The following FAM83B variants were observed in gnomAD, a reference collection of about 807,000 sequenced individuals.
FAM83B encodes the protein scaffolding CK1 anchoring protein B, also known as protein FAM83B.
In FAM83B, 26 loss-of-function variants were observed where a neutral mutation model predicts 38.8. That is an observed-to-expected ratio of 0.67 (90% CI 0.49 to 0.93). FAM83B has a LOEUF of 0.93. Ranked by LOEUF, FAM83B falls within the 40% of genes least tolerant of loss-of-function variation. The pLI, the probability that FAM83B is intolerant of heterozygous loss-of-function variation, is 0.00. For synonymous variants in FAM83B, 419 were observed against 423.1 expected (o/e 0.99, Z 0.12); for missense variants, 1,237 against 1,197.3 (o/e 1.03, Z -0.49).
At chr6:54,910,399 T>G (rs909289950) in intron 2 of FAM83B, among the ~76,000 whole-genome samples, 19 of 152,222 alleles carry the variant, frequency 1.2e-4, no homozygotes, top group African/African-American at 4.6e-4. Flanking sequence ...TGCTATTTTC[T>G]GTTCCCGCCT....
At chr6:54,900,489 C>T (rs1421129132) in intron 2 of FAM83B, among the ~76,000 whole-genome samples, 2 of 152,210 alleles carry the variant, frequency 1.3e-5, no homozygotes, top group Admixed American at 6.5e-5. Flanking sequence ...ATTTCTGTTT[C>T]ATAGTTCAAA....
intron 4 of FAM83B, 34 bp downstream of exon 4, chr6:54,927,666 A>C (rs1291061396): frequency 7.0e-7 from 1 of 1,428,150 alleles, no homozygotes; most frequent in Non-Finnish European, 9.3e-7. Flanking sequence ...AGTGTTATCA[A>C]TCGTTTTGAT....
At chr6:54,873,306 A>C (rs1771906546) in intron 2 of FAM83B, among the ~76,000 whole-genome samples, 1 of 152,168 alleles carries the variant, frequency 6.6e-6, no homozygotes, top group Admixed American at 6.5e-5. Context: ...CTACTTAAAG[A>C]TTTTTGAAGA....
chr6:54,903,584 A>T (rs942572723), intron 2 of FAM83B, among the ~76,000 whole-genome samples: 6 of 152,152 alleles, frequency 3.9e-5, no homozygotes, highest in Non-Finnish European at 7.4e-5. Flanking sequence ...GGCCACTTAT[A>T]TCGGTTTTAA....
chr6:54,863,332 T>G (rs1307185843), intron 1 of FAM83B, among the ~76,000 whole-genome samples: 1 of 152,164 alleles, frequency 6.6e-6, no homozygotes, highest in East Asian at 1.9e-4. Flanking sequence ...TACCTAACAG[T>G]TTTTAGCAGT....
chr6:54,863,539 C>T (rs1480520283), intron 1 of FAM83B, among the ~76,000 whole-genome samples: 1 of 54,238 alleles, frequency 1.8e-5, no homozygotes, highest in Non-Finnish European at 4.5e-5. Context: ...CCAACTATGC[C>T]GCTGAGCCAA....
chr6:54,900,070 T>C (rs533167386), intron 2 of FAM83B, among the ~76,000 whole-genome samples: 19 of 152,312 alleles, frequency 1.2e-4, no homozygotes, highest in African/African-American at 4.6e-4. Context: ...CAAAGCTAAG[T>C]TTTTGTCAAA....
At chr6:54,894,171 C>T (rs143387778) in intron 2 of FAM83B, among the ~76,000 whole-genome samples, 1 of 152,310 alleles carries the variant, frequency 6.6e-6, no homozygotes, top group Admixed American at 6.5e-5. Context: ...GTGCTTTCAT[C>T]ACATAAATGC....
chr6:54,913,499 A>T (rs539688966), intron 2 of FAM83B, among the ~76,000 whole-genome samples: 13 of 152,206 alleles, frequency 8.5e-5, no homozygotes, highest in African/African-American at 3.1e-4. Flanking sequence ...GCCCGAGTAG[A>T]AAATGGCAGA....
At chr6:54,914,401 C>A (rs1772987446) in intron 2 of FAM83B, among the ~76,000 whole-genome samples, 1 of 152,126 alleles carries the variant, frequency 6.6e-6, no homozygotes, top group Non-Finnish European at 1.5e-5. Flanking sequence ...CCCTAGAGGT[C>A]ACTTTTCATC....
intron 1 of FAM83B, among the ~76,000 whole-genome samples, chr6:54,849,476 T>G: frequency 8.1e-6 from 1 of 123,494 alleles, no homozygotes; most frequent in Admixed American, 9.1e-5. Flanking sequence ...GGGAGGAGGG[T>G]GCACTAAGGA....
At chr6:54,939,347 C>T (rs1385708650) in intron 4 of FAM83B, among the ~76,000 whole-genome samples, 2 of 152,018 alleles carry the variant, frequency 1.3e-5, no homozygotes, top group South Asian at 2.1e-4. Context: ...TATGCAGGCT[C>T]TTTTTTGGTT....
chr6:54,933,098 G>T (rs1004086601), intron 4 of FAM83B, among the ~76,000 whole-genome samples: 1 of 150,130 alleles, frequency 6.7e-6, no homozygotes, highest in African/African-American at 2.4e-5. Flanking sequence ...GATCTCCTTG[G>T]TAGTTCTATA....
chr6:54,937,789 A>G (rs1425923361), intron 4 of FAM83B, among the ~76,000 whole-genome samples: 1 of 152,114 alleles, frequency 6.6e-6, no homozygotes, highest in African/African-American at 2.4e-5. Context: ...CCAAGATGGT[A>G]TATATAAAAT....
intron 1 of FAM83B, among the ~76,000 whole-genome samples, chr6:54,851,090 T>C (rs1236686550): frequency 1.3e-5 from 2 of 151,576 alleles, no homozygotes; most frequent in African/African-American, 4.8e-5. Context: ...TAAAGATGAG[T>C]GCAATATAGC....
At chr6:54,853,275 A>G (rs983835376) in intron 1 of FAM83B, among the ~76,000 whole-genome samples, 1 of 152,232 alleles carries the variant, frequency 6.6e-6, no homozygotes. Context: ...GTTATCCAGA[A>G]AATCTAGCTA....
Position 54,941,116 on chromosome 6 carries a change from T to C in FAM83B, c.2145T>C (p.His715=), listed in dbSNP as rs1167606412. The C allele has an allele frequency of 1.9e-6, 3 of 1,613,640 alleles. No homozygotes were observed. The highest frequency in any genetic ancestry group is 2.5e-6 in the Non-Finnish European group (3 of 1,179,918). Residue 715 remains histidine (H), a synonymous_variant, in exon 5 of 5, where the codon CAT becomes CAC. Coordinates refer to ENST00000306858, the MANE Select transcript of FAM83B (RefSeq NM_001010872.3). ...KSSKSMHNVT[H]NLEEDEEEVT... is the part of the protein sequence containing the mutation. ...CTAAAAGCATGCACAATGTGACTCATAACTTGGAGGAGGATGAGGAGGAAG... is the reference window on the plus strand; with the variant it reads ...CTAAAAGCATGCACAATGTGACTCACAACTTGGAGGAGGATGAGGAGGAAG...
chr6:54,872,921 T>G (rs1771892540), intron 2 of FAM83B, among the ~76,000 whole-genome samples: 1 of 152,152 alleles, frequency 6.6e-6, no homozygotes, highest in Admixed American at 6.5e-5. Context: ...AGAAGAGAAT[T>G]ATTTGATCTT....
At chr6:54,847,229 A>T (rs146295297) in intron 1 of FAM83B, among the ~76,000 whole-genome samples, 88 of 138,866 alleles carry the variant, frequency 6.3e-4, no homozygotes, top group African/African-American at 2.5e-3. Flanking sequence ...CGCTGGGAAA[A>T]GTCTCGTGGG....
Sources: gnomAD v4.1 joint callset for allele counts (sites outside exome capture counted in the v4.1 genomes callset) on GRCh38, gnomAD v4.1.1 for gene constraint, MANE v1.5 for transcripts, NCBI Gene and HGNC (gene_info 2026-07-23, HGNC 2026-07-21) for gene names.